The following PLD4 variants were observed in gnomAD, a reference collection of about 807,000 sequenced individuals.
The protein encoded by PLD4 is phospholipase D family member 4.
In PLD4, 54 loss-of-function variants were observed where a neutral mutation model predicts 52.3. That is an observed-to-expected ratio of 1.03 (90% CI 0.83 to 1.30). The LOEUF is 1.30. Among genes scored for constraint, PLD4 ranks in the 50% most tolerant of loss-of-function variants. PLD4 has a pLI of 0.00. For missense variants in PLD4, 731 were observed against 671.1 expected (o/e 1.09, Z -0.99); for synonymous variants, 264 against 286.5 (o/e 0.92, Z 0.79).
downstream of PLD4, chr14:104,933,300 A>G (rs756784403): frequency 4.3e-6 from 1 of 231,330 alleles, no homozygotes; most frequent in Non-Finnish European, 8.4e-6. Flanking sequence ...GCCCGCCTCT[A>G]TGCGCCCGCC....
chr14:104,926,433 C>T (rs527949556), intron 1 of PLD4, among the ~76,000 whole-genome samples: 1 of 152,308 alleles, frequency 6.6e-6, no homozygotes, highest in East Asian at 1.9e-4. Context: ...GCCTGGCTCC[C>T]AGCTCCTTGT....
chr14:104,931,856 T>G lies in PLD4; in HGVS notation c.1027T>G (p.Phe343Val), dbSNP rs1411430303. ...CATCTATGCCTCCGTGATGGAGTAT[T>G]TCCCCACCACGCGCTTCAGCCACCC... ...EFIYASVMEY[F>V]PTTRFSHPPR... The change falls in exon 8 of 11, where the codon TTC (phenylalanine) becomes GTC (valine). Residue 343 changes from phenylalanine (F) to valine (V), a missense_variant. Phe to Val is a conservative substitution (Grantham distance 50). Transcript: ENST00000392593. 2 of 1,554,146 alleles carry G rather than the reference T, an allele frequency of 1.3e-6. No individual in the cohort carries two copies. Among genetic ancestry groups the G allele is most frequent in the South Asian group, 1.2e-5 (1 of 83,300 alleles).
In PLD4 at chr14:104,927,182, G is replaced by A; in HGVS notation, c.42G>A (p.Trp14Ter). The A allele has an allele frequency of 1.3e-6, 2 of 1,562,964 alleles. No individual in the cohort carries two copies. Among genetic ancestry groups the A allele is most frequent in the Middle Eastern group, 1.7e-4 (1 of 5,906 alleles). Reference sequence around the variant, plus strand: ...GGAAAGCAGCAGTGGCCCCCACATGGCCATGCTCCATGCCGCCCCGCCGCC... The same window carrying A: ...GGAAAGCAGCAGTGGCCCCCACATGACCATGCTCCATGCCGCCCCGCCGCC... ...PLWKAAVAPTWPCSMPPRRPW... is the reference protein window; with the variant it reads ...PLWKAAVAPT Residue 14 changes from tryptophan (W) to a stop codon, truncating the protein, a stop_gained, in exon 2 of 11, where the codon TGG becomes TGA. Transcript: ENST00000392593. LOFTEE classifies it high-confidence loss of function.
intron 3 of PLD4, 110 bp downstream of exon 3, chr14:104,927,976 T>G: frequency 8.0e-7 from 1 of 1,254,836 alleles, no homozygotes; most frequent in Non-Finnish European, 1.1e-6. Context: ...TACCAGCTCC[T>G]CCAGGAAGGT....
At chr14:104,927,635 G>A (rs768174523) in intron 2 of PLD4, 38 bp from the exon 3 acceptor site, 22 of 1,511,048 alleles carry the variant, frequency 1.5e-5, no homozygotes, top group African/African-American at 9.6e-5. Flanking sequence ...GTCAAGCCCC[G>A]CCCTGTCTGG....
chr14:104,930,319 G>C (rs533274191), intron 6 of PLD4, among the ~76,000 whole-genome samples: 1 of 152,278 alleles, frequency 6.6e-6, no homozygotes, highest in South Asian at 2.1e-4. Flanking sequence ...TCAATGACAT[G>C]GAAAGATGTT....
In PLD4 at chr14:104,930,637, C is replaced by T. The variant is rs550006297; in HGVS notation, c.718-105C>T. The stretch of plus-strand genomic sequence containing the variant: ...ATGCTTCCCGCAAGTGGGGACCAGT[C>T]GGGCAGGGACTGCACCTGCCCCAAC... On this transcript the variant is annotated intron_variant, in intron 6 of 10. Coordinates refer to ENST00000392593, the MANE Select transcript of PLD4 (RefSeq NM_138790.5). 36 of 1,208,618 alleles carry T rather than the reference C, an allele frequency of 3.0e-5. 1 individual carries two copies. The African/African-American group carries it at 3.9e-4, about 13-fold the overall frequency. The allele number at this position is 1,208,618 out of a possible 1,614,324, so 74.9% of individuals were successfully genotyped here.
chr14:104,931,023 G>A, intron 7 of PLD4, 81 bp downstream of exon 7: 3 of 1,489,462 alleles, frequency 2.0e-6, no homozygotes, highest in East Asian at 2.3e-5. Flanking sequence ...CCTCTGGGCT[G>A]GCCCTGCAGA....
chr14:104,929,349 A>G lies in PLD4; in HGVS notation c.511A>G (p.Asn171Asp). Reference sequence around the variant, plus strand: ...GAAGCTGCAGCAGCTGCTGGGCAGGAACATTTCCCTGGCTGTGGCCACCAG... The same window carrying G: ...GAAGCTGCAGCAGCTGCTGGGCAGGGACATTTCCCTGGCTGTGGCCACCAG... ...LQKLQQLLGR[N>D]ISLAVATSSP... Residue 171 changes from asparagine (N) to aspartate (D), a missense_variant, in exon 5 of 11, where the codon AAC becomes GAC. Physicochemically the swap from Asn to Asp is conservative, Grantham distance 23. Transcript: ENST00000392593. 6.4e-7 allele frequency: 1 copy of G among 1,574,026 alleles called. No individual in the cohort carries two copies. The highest frequency in any genetic ancestry group is 8.6e-7 in the Non-Finnish European group (1 of 1,160,158).
At chr14:104,929,783 G>A (rs1897579508) in intron 5 of PLD4, among the ~76,000 whole-genome samples, 195 bp from the exon 6 acceptor site, 1 of 152,314 alleles carries the variant, frequency 6.6e-6, no homozygotes, top group East Asian at 1.9e-4. Context: ...GAGCTGAGCT[G>A]CCCAGAGGGA....
intron 3 of PLD4, 111 bp downstream of exon 3, chr14:104,927,977 C>T: frequency 8.0e-7 from 1 of 1,252,384 alleles, no homozygotes; most frequent in Non-Finnish European, 1.1e-6. Context: ...ACCAGCTCCT[C>T]CAGGAAGGTG....
intron 8 of PLD4, 56 bp downstream of exon 8, chr14:104,931,943 C>G (rs1897659658): frequency 6.6e-7 from 1 of 1,523,472 alleles, no homozygotes; most frequent in African/African-American, 1.4e-5. Context: ...CTCCTGGGCA[C>G]GTCCCCTCCT....
chr14:104,930,742 G>A lies in PLD4; in HGVS notation c.718G>A (p.Val240Met). The change falls in exon 7 of 11, where the codon GTG becomes ATG. Residue 240 changes from valine to methionine, a missense_variant and splice_region_variant. Coordinates refer to ENST00000392593, the MANE Select transcript of PLD4 (RefSeq NM_138790.5). ...CAGCGCCTGACTTTGGTCCCTGCAG[G>A]TGAAGGAGCTTGGCGCTGTCATCTA... is the stretch of plus-strand genomic sequence containing the variant. ...ANMDWRSLTQ[V>M]KELGAVIYNC... 1 of 1,613,178 alleles carries A rather than the reference G, an allele frequency of 6.2e-7. No homozygotes were observed. The highest frequency in any genetic ancestry group is 8.5e-7 in the Non-Finnish European group (1 of 1,180,018).
In PLD4 at chr14:104,930,032, C is replaced by A; in HGVS notation, c.644C>A (p.Ser215Tyr). The change falls in exon 6 of 11, where the codon TCC becomes TAC. Residue 215 changes from serine to tyrosine, a missense_variant. Coordinates refer to ENST00000392593, the MANE Select transcript of PLD4 (RefSeq NM_138790.5). ...CGGCTCACCAGGGGTGTTTTGCACT[C>A]CAAATTCTGGGTTGTGGATGGACGG... The part of the protein sequence containing the change: ...MGRLTRGVLH[S>Y]KFWVVDGRHI... The A allele has an allele frequency of 6.2e-7, 1 of 1,613,676 alleles. No individual in the cohort carries two copies. The highest frequency in any genetic ancestry group is 8.5e-7 in the Non-Finnish European group (1 of 1,179,982).
chr14:104,925,411 C>G (rs2841278), intron 1 of PLD4, among the ~76,000 whole-genome samples: 61,954 of 152,116 alleles, frequency 0.41, 13,479 homozygotes, highest in East Asian at 0.58. Context: ...GGTGGTGAGG[C>G]GCTCTGGGGT....
Position 104,928,823 on chromosome 14 carries a change from A to G in PLD4, c.359A>G (p.Gln120Arg), listed in dbSNP as rs1221228616. 1.9e-6 allele frequency: 3 copies of G among 1,611,970 alleles called. No homozygotes were observed. Among genetic ancestry groups the G allele is most frequent in the Non-Finnish European group, 2.5e-6 (3 of 1,179,214 alleles). The change falls in exon 4 of 11, where the codon CAG (glutamine) becomes CGG (arginine). Residue 120 changes from glutamine to arginine, a missense_variant. Gln to Arg is a conservative substitution (Grantham distance 43). Coordinates refer to ENST00000392593, the MANE Select transcript of PLD4 (RefSeq NM_138790.5). Reference protein sequence around the residue: ...AGSPSAQPLGQAWLQLLDTAQ... With the variant: ...AGSPSAQPLGRAWLQLLDTAQ... ...AGCCCCTCTGCCCAGCCTCTGGGCC[A>G]GGCCTGGCTGCAGCTGCTGGACACT...
intron 1 of PLD4, among the ~76,000 whole-genome samples, chr14:104,925,637 T>C (rs1047338977): frequency 2.0e-5 from 3 of 152,120 alleles, no homozygotes; most frequent in Non-Finnish European, 4.4e-5. Flanking sequence ...TTTCCTCTCA[T>C]TGACCAGCCA....
At chr14:104,930,149 T>G (rs1248631622) in intron 6 of PLD4, 44 bp downstream of exon 6, 1 of 1,606,456 alleles carries the variant, frequency 6.2e-7, no homozygotes, top group Non-Finnish European at 8.5e-7. Context: ...CTGAAGCGTT[T>G]CCCCGCCTGC....
At chr14:104,931,084 T>G (rs533309370) in intron 7 of PLD4, 142 bp downstream of exon 7, 11 of 945,240 alleles carry the variant, frequency 1.2e-5, no homozygotes, top group Non-Finnish European at 1.8e-5. Context: ...TGGGTGGGGC[T>G]GTGGCCCTGG....
Sources: gnomAD v4.1 joint callset for allele counts (sites outside exome capture counted in the v4.1 genomes callset) on GRCh38, gnomAD v4.1.1 for gene constraint, MANE v1.5 for transcripts, NCBI Gene and HGNC (gene_info 2026-07-23, HGNC 2026-07-21) for gene names.